PTPRA: variants seen among roughly 807,000 people sequenced by gnomAD.
PTPRA encodes protein tyrosine phosphatase receptor type A.
In PTPRA, 25 loss-of-function variants were observed where a neutral mutation model predicts 104.8. That is an observed-to-expected ratio of 0.24 (90% confidence interval 0.17 to 0.33). PTPRA has a LOEUF of 0.33. PTPRA is among the 10% of genes least tolerant of loss of function. PTPRA has a pLI of 1.00. For synonymous variants in PTPRA, 323 were observed against 368.9 expected (o/e 0.88, Z 1.43); for missense variants, 765 against 1,015.3 (o/e 0.75, Z 3.35).
Position 3,007,421 on chromosome 20 carries a change from G to A in PTPRA, c.906+1G>A. The A allele has an allele frequency of 1.2e-6, 2 of 1,613,364 alleles. No homozygotes were observed. Among genetic ancestry groups the A allele is most frequent in the Non-Finnish European group, 1.7e-6 (2 of 1,179,322 alleles). The stretch of plus-strand genomic sequence containing the variant: ...TTACATCAATGCTTCATTCATCAAC[G>A]TAAGGATCGGGTGCTTTCCCTGTCA... On this transcript the variant is annotated splice_donor_variant, in intron 11 of 23. Transcript: ENST00000399903. LOFTEE classifies it high-confidence loss of function.
chr20:2,923,200 G>T lies in PTPRA; in HGVS notation c.-128-7G>T. 8.8e-7 allele frequency: 1 copy of T among 1,142,542 alleles called. No homozygotes were observed. The highest frequency in any genetic ancestry group is 1.6e-5 in the African/African-American group (1 of 61,416). 70.8% of individuals were successfully genotyped at this position (1,142,542 alleles called of 1,614,324 possible). On this transcript the variant is annotated splice_region_variant and splice_polypyrimidine_tract_variant and intron_variant, in intron 1 of 23. Transcript: ENST00000399903. ...TATTTCTAAAGGTATTTTTCCTTTTGTTGCAGGTGACACAACTAAAAAAAA... is the reference window on the plus strand; with the variant it reads ...TATTTCTAAAGGTATTTTTCCTTTTTTTGCAGGTGACACAACTAAAAAAAA...
At chr20:3,017,759 C>T (rs535881326) in intron 12 of PTPRA, 57 bp from the exon 13 acceptor site, 1 of 1,483,682 alleles carries the variant, frequency 6.7e-7, no homozygotes, top group East Asian at 2.3e-5. Context: ...TTCCCAGCCT[C>T]CCAGCATCTT....
chr20:2,874,011 C>A (rs561363777), intron 1 of PTPRA, among the ~76,000 whole-genome samples: 1 of 152,202 alleles, frequency 6.6e-6, no homozygotes, highest in African/African-American at 2.4e-5. Flanking sequence ...ACTTTGCATG[C>A]GTCCTTCTGG....
At chr20:2,975,014 C>T (rs2062370440) in intron 5 of PTPRA, among the ~76,000 whole-genome samples, 1 of 152,144 alleles carries the variant, frequency 6.6e-6, no homozygotes, top group African/African-American at 2.4e-5. Context: ...ATTGATGCTG[C>T]ACTATTTGTG....
chr20:2,990,739 A>AT (rs959134293), intron 9 of PTPRA, among the ~76,000 whole-genome samples: 4 of 151,826 alleles, frequency 2.6e-5, no homozygotes, highest in African/African-American at 9.7e-5. Flanking sequence ...TCAAGAAAAA[A>AT]TTTTTTTTAG....
At chr20:2,921,302 C>T (rs2060086731) in intron 1 of PTPRA, among the ~76,000 whole-genome samples, 1 of 145,594 alleles carries the variant, frequency 6.9e-6, no homozygotes, top group South Asian at 2.1e-4. Context: ...TCTTTTATTT[C>T]CTTAGTACCT....
chr20:2,969,793 C>T (rs906691635), intron 5 of PTPRA, among the ~76,000 whole-genome samples: 1 of 151,278 alleles, frequency 6.6e-6, no homozygotes, highest in Admixed American at 6.6e-5. Flanking sequence ...GGTGAAACCC[C>T]ATCTCTACTA....
At chr20:2,910,500 T>A (rs1243677016) in intron 1 of PTPRA, among the ~76,000 whole-genome samples, 1 of 134,786 alleles carries the variant, frequency 7.4e-6, no homozygotes, top group African/African-American at 2.8e-5. Flanking sequence ...TTTTTTTTTT[T>A]TAGACTGGAT....
intron 16 of PTPRA, among the ~76,000 whole-genome samples, chr20:3,023,752 C>T (rs1051882906): frequency 2.6e-5 from 4 of 152,182 alleles, no homozygotes; most frequent in African/African-American, 4.8e-5. Context: ...CGAGTGCTGG[C>T]GCATGTCCTC....
chr20:2,895,127 G>A (rs1600074636), intron 1 of PTPRA, among the ~76,000 whole-genome samples: 1 of 152,130 alleles, frequency 6.6e-6, no homozygotes, highest in South Asian at 2.1e-4. Context: ...GCAGGCTGGA[G>A]TGCAGTGGTA....
At chr20:2,910,124 T>C (rs1245103824) in intron 1 of PTPRA, among the ~76,000 whole-genome samples, 2 of 118,904 alleles carry the variant, frequency 1.7e-5, no homozygotes, top group Non-Finnish European at 3.2e-5. Context: ...TGATGTATAG[T>C]ATATATGATA....
At chr20:3,027,623 C>T (rs934883115) in intron 19 of PTPRA, 84 bp from the exon 20 acceptor site, 2 of 1,526,448 alleles carry the variant, frequency 1.3e-6, no homozygotes, top group African/African-American at 1.4e-5. Context: ...GAGCAGTCCC[C>T]ATTCCCTTCT....
At chr20:2,901,317 A>G (rs76714516) in intron 1 of PTPRA, among the ~76,000 whole-genome samples, 3,152 of 152,194 alleles carry the variant, frequency 0.021, 49 homozygotes, top group Middle Eastern at 0.061. Context: ...TCTCAGCTGA[A>G]CTTTACACAG....
chr20:2,870,997 T>A (rs1029124876), upstream of PTPRA, among the ~76,000 whole-genome samples: 1 of 152,038 alleles, frequency 6.6e-6, no homozygotes, highest in South Asian at 2.1e-4. Flanking sequence ...GGGAGCCAAG[T>A]AGGATGGAGG....
intron 3 of PTPRA, among the ~76,000 whole-genome samples, chr20:2,956,373 T>C (rs989184619): frequency 6.6e-6 from 1 of 152,298 alleles, no homozygotes; most frequent in Non-Finnish European, 1.5e-5. Flanking sequence ...TCGAGCCTCA[T>C]TGTGTGCATT....
At chr20:2,968,412 T>C (rs1348342671) in intron 5 of PTPRA, among the ~76,000 whole-genome samples, 1 of 152,124 alleles carries the variant, frequency 6.6e-6, no homozygotes, top group African/African-American at 2.4e-5. Context: ...TTCATTATTA[T>C]GGATACTTAA....
intron 1 of PTPRA, among the ~76,000 whole-genome samples, chr20:2,920,770 C>G (rs559164295): frequency 6.7e-6 from 1 of 149,670 alleles, no homozygotes; most frequent in African/African-American, 2.5e-5. Context: ...GAATATTGAC[C>G]GGGAGGAAAG....
At chr20:3,025,579 T>G (rs937380565) in intron 17 of PTPRA, among the ~76,000 whole-genome samples, 6 of 151,846 alleles carry the variant, frequency 4.0e-5, no homozygotes, top group African/African-American at 1.4e-4. Context: ...CCTGTCAAGA[T>G]GTGGGTTCTG....
chr20:2,937,169 G>A (rs908380134), intron 2 of PTPRA, among the ~76,000 whole-genome samples: 1 of 149,198 alleles, frequency 6.7e-6, no homozygotes, highest in African/African-American at 2.5e-5. Flanking sequence ...CTGTCATCAG[G>A]TTGGAGTGCA....
Sources: gnomAD v4.1 joint callset for allele counts (sites outside exome capture counted in the v4.1 genomes callset) on GRCh38, gnomAD v4.1.1 for gene constraint, MANE v1.5 for transcripts, NCBI Gene and HGNC (gene_info 2026-07-23, HGNC 2026-07-21) for gene names.